IL1RAPL1: variants seen among roughly 807,000 people sequenced by gnomAD.
IL1RAPL1 encodes interleukin-1 receptor accessory protein-like 1.
A neutral mutation model predicts 48.4 loss-of-function variants in IL1RAPL1; 3 were observed. That is an observed-to-expected ratio of 0.06 (90% CI 0.03 to 0.16). The LOEUF is 0.16. Among genes scored for constraint, IL1RAPL1 ranks in the 10% least tolerant of loss-of-function variants. The probability of loss-of-function intolerance (pLI) is 1.00; values close to 1 mark genes in which losing one functional copy is unlikely to be tolerated. For missense variants in IL1RAPL1, 349 were observed against 530.6 expected (o/e 0.66, Z 3.36); for synonymous variants, 185 against 187.7 (o/e 0.99, Z 0.12).
At chrX:28,759,972 T>C (rs1936149546) in intron 1 of IL1RAPL1, among the ~76,000 whole-genome samples, 2 of 111,894 alleles carry the variant, frequency 1.8e-5, no homozygotes, top group Admixed American at 1.9e-4. Context: ...TTTACCTGAC[T>C]TTTTCATGAG....
At chrX:29,715,619 T>A (rs1927461072) in intron 6 of IL1RAPL1, among the ~76,000 whole-genome samples, 1 of 111,553 alleles carries the variant, frequency 9.0e-6, no homozygotes, top group Non-Finnish European at 1.9e-5. Context: ...TCACCATCAG[T>A]AATGATATTC....
intron 2 of IL1RAPL1, among the ~76,000 whole-genome samples, chrX:28,893,596 T>C (rs865783911): frequency 1.8e-5 from 2 of 111,357 alleles, no homozygotes; most frequent in South Asian, 7.6e-4. Flanking sequence ...TTGCCAGTCC[T>C]GGGCGGGGGC....
chrX:29,561,425 G>C (rs1304372566), intron 5 of IL1RAPL1, among the ~76,000 whole-genome samples: 1 of 112,035 alleles, frequency 8.9e-6, no homozygotes, highest in Non-Finnish European at 1.9e-5. Flanking sequence ...TAGAAACAAT[G>C]GCCCTTTGTT....
chrX:28,615,106 T>C (rs981474354), intron 1 of IL1RAPL1, among the ~76,000 whole-genome samples: 1 of 108,387 alleles, frequency 9.2e-6, no homozygotes. Context: ...GCCAGGATGG[T>C]CTCGACCTCC....
chrX:29,643,992 C>G (rs771963454), intron 5 of IL1RAPL1, among the ~76,000 whole-genome samples: 57 of 112,002 alleles, frequency 5.1e-4, no homozygotes, highest in Non-Finnish European at 5.6e-5. Context: ...ATGTTTAATA[C>G]CTATCTCATA....
intron 2 of IL1RAPL1, among the ~76,000 whole-genome samples, chrX:28,859,997 C>T (rs1921901979): frequency 9.0e-6 from 1 of 111,010 alleles, no homozygotes; most frequent in Admixed American, 9.6e-5. Flanking sequence ...GTACCACTCA[C>T]TTCATATTAG....
At chrX:29,128,660 C>CTGGCT (rs1176523752) in intron 2 of IL1RAPL1, among the ~76,000 whole-genome samples, 1 of 111,592 alleles carries the variant, frequency 9.0e-6, no homozygotes. Context: ...TCTCTGTTTC[C>CTGGCT]TGGCTTGCCT....
chrX:29,501,751 G>A (rs760519061), intron 5 of IL1RAPL1, among the ~76,000 whole-genome samples: 34 of 105,950 alleles, frequency 3.2e-4, no homozygotes, highest in African/African-American at 9.0e-4. Context: ...AATGTGATGC[G>A]TACACCTTTG....
chrX:28,971,199 ACCAAAGGAAAACCAT>A (rs1925061906), intron 2 of IL1RAPL1, among the ~76,000 whole-genome samples: 1 of 112,015 alleles, frequency 8.9e-6, no homozygotes, highest in Non-Finnish European at 1.9e-5. Context: ...GTATTGTTCT[ACCAAAGGAAAACCAT>A]CATGAGAAGA....
At chrX:29,420,195 G>C (rs1934274212) in intron 5 of IL1RAPL1, among the ~76,000 whole-genome samples, 1 of 112,106 alleles carries the variant, frequency 8.9e-6, no homozygotes, top group Admixed American at 9.4e-5. Context: ...ATGAGTCTCA[G>C]TTAAATTAAA....
At chrX:29,496,493 A>G (rs1197486349) in intron 5 of IL1RAPL1, among the ~76,000 whole-genome samples, 1 of 65,595 alleles carries the variant, frequency 1.5e-5, no homozygotes, top group African/African-American at 6.1e-5. Context: ...TTTTTTTGCC[A>G]TGTGATGTAC....
At position 29,326,846 on chromosome X, in the gene IL1RAPL1, C is replaced by T. The variant is rs763854836; in HGVS notation, c.362+43629C>T. On this transcript the variant is annotated intron_variant, in intron 3 of 10. Transcript: ENST00000378993. ...GGGGCTGGAATCTATACCAATTTTG[C>T]AGAACTTGAGAATTTATGTCCTTTC... 9.8e-4 allele frequency among the ~76,000 whole-genome samples: 110 copies of T among 112,153 alleles called. 1 individual carries two copies. Among genetic ancestry groups the T allele is most frequent in the African/African-American group, 3.5e-3 (107 of 30,932 alleles).
At chrX:29,502,392 G>C (rs1935284889) in intron 5 of IL1RAPL1, among the ~76,000 whole-genome samples, 1 of 111,194 alleles carries the variant, frequency 9.0e-6, no homozygotes, top group Non-Finnish European at 1.9e-5. Context: ...TCCTTGTCTT[G>C]TTACAGATCT....
chrX:29,131,272 G>GTA (rs768066160), intron 2 of IL1RAPL1, among the ~76,000 whole-genome samples: 1 of 80,677 alleles, frequency 1.2e-5, no homozygotes, highest in African/African-American at 3.6e-5. Context: ...CTGTGTGTGT[G>GTA]TGTATATATA....
At chrX:29,833,289 T>C (rs770964601) in intron 6 of IL1RAPL1, among the ~76,000 whole-genome samples, 8 of 111,958 alleles carry the variant, frequency 7.1e-5, no homozygotes, top group Non-Finnish European at 1.3e-4. Context: ...ATAGATATTC[T>C]TCTCTCTACC....
At chrX:29,346,568 A>G (rs949131649) in intron 3 of IL1RAPL1, among the ~76,000 whole-genome samples, 17 of 112,709 alleles carry the variant, frequency 1.5e-4, no homozygotes, top group African/African-American at 5.5e-4. Flanking sequence ...ATAAAATTAA[A>G]TGAGTTACAT....
chrX:28,900,053 A>G (rs1259109899), intron 2 of IL1RAPL1, among the ~76,000 whole-genome samples: 2 of 112,166 alleles, frequency 1.8e-5, no homozygotes, highest in Non-Finnish European at 3.8e-5. Flanking sequence ...CATATTTAGC[A>G]ACATGAATGA....
At chrX:29,754,552 A>G (rs1312961352) in intron 6 of IL1RAPL1, among the ~76,000 whole-genome samples, 1 of 112,004 alleles carries the variant, frequency 8.9e-6, no homozygotes, top group African/African-American at 3.2e-5. Context: ...ATTAGCCGCA[A>G]CAGCCTTTAA....
At chrX:29,353,807 T>C (rs1933265408) in intron 3 of IL1RAPL1, among the ~76,000 whole-genome samples, 1 of 104,194 alleles carries the variant, frequency 9.6e-6, no homozygotes, top group East Asian at 2.9e-4. Context: ...GTTCTCCATC[T>C]CTCATTTTCT....
Sources: gnomAD v4.1 joint callset for allele counts (sites outside exome capture counted in the v4.1 genomes callset) on GRCh38, gnomAD v4.1.1 for gene constraint, MANE v1.5 for transcripts, NCBI Gene and HGNC (gene_info 2026-07-23, HGNC 2026-07-21) for gene names.